PLEKHG6: variants seen among roughly 807,000 people sequenced by gnomAD.
PLEKHG6 encodes pleckstrin homology and RhoGEF domain containing G6, also known as pleckstrin homology domain-containing family G member 6.
In PLEKHG6, 91 loss-of-function variants were observed where a neutral mutation model predicts 97.5. That is an observed-to-expected ratio of 0.93 (90% CI 0.79 to 1.11). PLEKHG6 has a LOEUF of 1.11. Among genes scored for constraint, PLEKHG6 ranks in the 50% most tolerant of loss-of-function variants. The pLI is 0.00. For synonymous variants in PLEKHG6, 466 were observed against 425.5 expected, an observed-to-expected ratio of 1.10 and a Z score of -1.17; for missense variants, 1,044 against 1,031.0, an observed-to-expected ratio of 1.01 and a Z score of -0.17.
chr12:6,311,322 G>A (rs1269134634), intron 1 of PLEKHG6, among the ~76,000 whole-genome samples: 1 of 152,158 alleles, frequency 6.6e-6, no homozygotes, highest in African/African-American at 2.4e-5. Context: ...TATATAGCCC[G>A]AAACTGGAGA....
chr12:6,319,721 G>A (rs1279736480), intron 13 of PLEKHG6: 8 of 1,511,840 alleles, frequency 5.3e-6, no homozygotes, highest in Non-Finnish European at 4.4e-6. Context: ...TCTTCCATTC[G>A]CAGACATTTA....
chr12:6,316,297 C>T lies in PLEKHG6; in HGVS notation c.649C>T (p.Arg217Ter), dbSNP rs754892173. 5 of 1,555,502 alleles carry T rather than the reference C, an allele frequency of 3.2e-6. No homozygotes were observed. In the African/African-American group the frequency reaches 4.1e-5, roughly 13 times the overall value. ...GTTTGGAAATGTCCCCAGCCTGATT[C>T]GAACCCACCGGAGCTTTTGGGATGA... ...TLFGNVPSLI[R>*]THRSFWDEVL... The change falls in exon 7 of 16, where the codon CGA becomes TGA. Residue 217 changes from arginine to a stop codon, truncating the protein, a stop_gained. Coordinates refer to ENST00000684764, the MANE Select transcript of PLEKHG6 (RefSeq NM_001384598.1). LOFTEE classifies it high-confidence loss of function. The surrounding 1 kb of genome is among the most constrained non-coding windows in gnomAD (Gnocchi z 4.1).
At chr12:6,313,162 C>A (rs567842070) in intron 2 of PLEKHG6, 2 of 1,549,412 alleles carry the variant, frequency 1.3e-6, no homozygotes, top group African/African-American at 2.7e-5. Flanking sequence ...GCAGGCTGCA[C>A]GCCCCTGGGG....
chr12:6,312,730 C>T (rs1947318070), intron 2 of PLEKHG6: 1 of 1,166,136 alleles, frequency 8.6e-7, no homozygotes, highest in Non-Finnish European at 1.1e-6. Context: ...ATCTGCCTCT[C>T]CCTGAGTCAG....
At chr12:6,322,239 C>G (rs530221065) in intron 13 of PLEKHG6, among the ~76,000 whole-genome samples, 1 of 152,228 alleles carries the variant, frequency 6.6e-6, no homozygotes, top group Non-Finnish European at 1.5e-5. Flanking sequence ...GTTATTGCTT[C>G]CTCAGTGAGG....
chr12:6,323,666 G>A (rs1592034210), intron 13 of PLEKHG6, among the ~76,000 whole-genome samples: 1 of 152,368 alleles, frequency 6.6e-6, no homozygotes, highest in East Asian at 1.9e-4. Flanking sequence ...AGGCAGCCGA[G>A]GCTAAGAGCC....
intron 13 of PLEKHG6, among the ~76,000 whole-genome samples, chr12:6,324,215 G>A (rs1020856463): frequency 1.3e-5 from 2 of 151,790 alleles, no homozygotes; most frequent in Non-Finnish European, 2.9e-5. Context: ...GGGCTCGCTG[G>A]GAGGCACCTC....
chr12:6,313,579 T>A, intron 2 of PLEKHG6, 50 bp from the exon 3 acceptor site: 1 of 1,605,202 alleles, frequency 6.2e-7, no homozygotes, highest in Non-Finnish European at 8.5e-7. Flanking sequence ...CTCTCTGGGG[T>A]TTCTGGGGAA....
chr12:6,312,590 A>C, intron 2 of PLEKHG6: 5 of 1,290,072 alleles, frequency 3.9e-6, no homozygotes, highest in Non-Finnish European at 4.9e-6. Flanking sequence ...AGCCAGGAGA[A>C]GCCAGGCCCT....
rs1333852810 is a variant in PLEKHG6, at chr12:6,327,663, C to T, written c.2080C>T (p.Leu694Phe). 3 of 1,559,988 alleles carry T rather than the reference C, an allele frequency of 1.9e-6. No individual in the cohort carries two copies. The South Asian group carries it at 3.5e-5, about 18-fold the overall frequency. The change falls in exon 15 of 16, where the codon CTT becomes TTT. Residue 694 changes from leucine (L) to phenylalanine (F), a missense_variant. Transcript: ENST00000684764. ...CCACAGGGCCCGGCTTCGGGGCCAG[C>T]TTCCCTCCTCCCCAACCCATGCTGA... is the stretch of plus-strand genomic sequence containing the variant. ...TLHRARLRGQ[L>F]PSSPTHADSA...
In PLEKHG6 at chr12:6,315,306, G is replaced by A; in HGVS notation, c.459+137G>A. ...CTGGAAACGCGTTGATCTGGGTTCA[G>A]ATCCCAGCTCTGCCACTTACTAGTC... is the stretch of plus-strand genomic sequence containing the variant. On this transcript the variant is annotated intron_variant, in intron 4 of 15. Transcript: ENST00000684764. The surrounding 1 kb of genome is among the most constrained non-coding windows in gnomAD (Gnocchi z 4.5). 1.1e-6 allele frequency: 1 copy of A among 950,948 alleles called. No individual in the cohort carries two copies. The highest frequency in any genetic ancestry group is 1.5e-6 in the Non-Finnish European group (1 of 646,352). 58.9% of individuals were successfully genotyped at this position (950,948 alleles called of 1,614,324 possible).
At chr12:6,311,216 G>A (rs1413282923) in intron 1 of PLEKHG6, 1 of 152,338 alleles carries the variant, frequency 6.6e-6, no homozygotes, top group African/African-American at 2.4e-5. Flanking sequence ...CCCACTCGAG[G>A]GCGGGCCCTC....
chr12:6,325,993 G>C (rs1190258521), intron 13 of PLEKHG6, among the ~76,000 whole-genome samples: 1 of 152,122 alleles, frequency 6.6e-6, no homozygotes, highest in Admixed American at 6.6e-5. Context: ...CTGGTTCATG[G>C]GGTTTTTGTA....
intron 14 of PLEKHG6, among the ~76,000 whole-genome samples, 185 bp from the exon 15 acceptor site, chr12:6,327,069 C>T (rs1347308361): frequency 6.6e-6 from 1 of 152,162 alleles, no homozygotes; most frequent in East Asian, 1.9e-4. Context: ...AGTATAGAGG[C>T]AGCCCGTACT....
chr12:6,326,854 A>G (rs1031667788), intron 14 of PLEKHG6, among the ~76,000 whole-genome samples: 3 of 152,158 alleles, frequency 2.0e-5, no homozygotes, highest in African/African-American at 7.2e-5. Context: ...GAGTGAAGGT[A>G]GGTGTGGATC....
At chr12:6,318,516 G>A (rs375727841) in intron 11 of PLEKHG6, 96 bp downstream of exon 11, 5 of 1,438,986 alleles carry the variant, frequency 3.5e-6, no homozygotes, top group Non-Finnish European at 1.9e-6. Flanking sequence ...GTTTGGGGAA[G>A]AGGATGTGGT....
chr12:6,327,858 G>A lies in PLEKHG6; in HGVS notation c.2275G>A (p.Asp759Asn). The A allele has an allele frequency of 6.6e-7, 1 of 1,504,322 alleles. No homozygotes were observed. Among genetic ancestry groups the A allele is most frequent in the South Asian group, 1.4e-5 (1 of 73,562 alleles). The allele number at this position is 1,504,322 out of a possible 1,614,324, so 93.2% of individuals were successfully genotyped here. ...QRIEGAEEPR[D>N]SRPRKLTRAQ... ...GATTGAGGGGGCCGAGGAGCCCCGG[G>A]ACAGCAGGCCACGGAAGCTGACTCG... The change falls in exon 15 of 16, where the codon GAC becomes AAC. Residue 759 changes from aspartate (D) to asparagine (N), a missense_variant. Physicochemically the swap from Asp to Asn is conservative, Grantham distance 23. Coordinates refer to ENST00000684764, the MANE Select transcript of PLEKHG6 (RefSeq NM_001384598.1).
Position 6,315,107 on chromosome 12 carries a change from G to A in PLEKHG6, c.397G>A (p.Glu133Lys). 1 of 1,613,206 alleles carries A rather than the reference G, an allele frequency of 6.2e-7. No homozygotes were observed. The highest frequency in any genetic ancestry group is 1.1e-5 in the South Asian group (1 of 91,082). ...PEDRRHWEIG[E>K]GGDSGLTIEK... is the part of the protein sequence containing the mutation. Reference sequence around the variant, plus strand: ...GGACCGGCGGCACTGGGAGATAGGAGAGGGTGGCGACAGTGGCCTGACCAT... The same window carrying A: ...GGACCGGCGGCACTGGGAGATAGGAAAGGGTGGCGACAGTGGCCTGACCAT... The change falls in exon 4 of 16, where the codon GAG (glutamate) becomes AAG (lysine). Residue 133 changes from glutamate to lysine, a missense_variant. Glu to Lys is a moderately conservative substitution (Grantham distance 56). Transcript: ENST00000684764. This position sits in a 1 kb window ranked among gnomAD's most constrained non-coding sequence, Gnocchi z 4.5.
At chr12:6,321,826 T>TAA (rs57346521) in intron 13 of PLEKHG6, among the ~76,000 whole-genome samples, 10 of 97,390 alleles carry the variant, frequency 1.0e-4, no homozygotes, top group Admixed American at 2.1e-4. Context: ...GACTCTGTCT[T>TAA]AAAAAAAAAA....
Sources: allele counts gnomAD v4.1 joint callset (sites outside exome capture counted in the v4.1 genomes callset), GRCh38; gene constraint gnomAD v4.1.1; non-coding constraint Gnocchi (gnomAD v3.1); transcripts MANE v1.5; gene names NCBI Gene and HGNC (gene_info 2026-07-23, HGNC 2026-07-21).